The following PRKCA variants were observed in gnomAD, a reference collection of about 807,000 sequenced individuals.
The protein encoded by PRKCA is protein kinase C alpha type.
PRKCA carries 27 observed loss-of-function variants against 87.0 expected under a neutral mutation model. The observed-to-expected ratio is 0.31, with a 90% CI of 0.23 to 0.43. PRKCA has a LOEUF of 0.43. Ranked by LOEUF, PRKCA falls within the 20% of genes least tolerant of loss-of-function variation. The pLI, the probability that PRKCA is intolerant of heterozygous loss-of-function variation, is 1.00. For missense variants in PRKCA, 518 were observed against 852.3 expected, an observed-to-expected ratio of 0.61 and a Z score of 4.88; for synonymous variants, 329 against 311.1, an observed-to-expected ratio of 1.06 and a Z score of -0.61.
chr17:66,748,249 G>A (rs945459235), intron 13 of PRKCA, among the ~76,000 whole-genome samples: 4 of 152,180 alleles, frequency 2.6e-5, no homozygotes, highest in African/African-American at 9.7e-5. Context: ...AGGAATGCCA[G>A]CCCACTGATG....
intron 2 of PRKCA, among the ~76,000 whole-genome samples, chr17:66,474,781 G>A (rs1318217816): frequency 6.6e-6 from 1 of 152,146 alleles, no homozygotes; most frequent in Non-Finnish European, 1.5e-5. Flanking sequence ...TAGGATTCAG[G>A]ATGGATGTAG....
chr17:66,563,115 A>G (rs915378834), intron 3 of PRKCA, among the ~76,000 whole-genome samples: 3 of 152,100 alleles, frequency 2.0e-5, no homozygotes, highest in African/African-American at 2.4e-5. Flanking sequence ...CCCTCTCCTC[A>G]ACAGTCTCCC....
At chr17:66,451,453 A>G (rs779192541) in intron 2 of PRKCA, among the ~76,000 whole-genome samples, 1 of 152,014 alleles carries the variant, frequency 6.6e-6, no homozygotes, top group Non-Finnish European at 1.5e-5. Context: ...TGTTTTTGGT[A>G]ACATGCAGGC....
At chr17:66,675,272 T>C (rs371132369) in intron 5 of PRKCA, among the ~76,000 whole-genome samples, 13 of 152,204 alleles carry the variant, frequency 8.5e-5, no homozygotes, top group Non-Finnish European at 1.8e-4. Context: ...GCTTCTCTTA[T>C]AAGGGCACTG....
intron 2 of PRKCA, among the ~76,000 whole-genome samples, chr17:66,326,091 A>G (rs1598592317): frequency 6.6e-6 from 1 of 152,298 alleles, no homozygotes; most frequent in East Asian, 1.9e-4. Context: ...CACTTTATGT[A>G]GATATCTTTT....
At chr17:66,710,026 G>A (rs1453854086) in intron 8 of PRKCA, among the ~76,000 whole-genome samples, 3 of 152,134 alleles carry the variant, frequency 2.0e-5, no homozygotes, top group African/African-American at 4.8e-5. Context: ...TGAACTGGCC[G>A]ATAGCAAAAC....
intron 3 of PRKCA, among the ~76,000 whole-genome samples, chr17:66,538,122 G>T: frequency 6.6e-6 from 1 of 152,112 alleles, no homozygotes; most frequent in Non-Finnish European, 1.5e-5. Context: ...TTTTCTTGAT[G>T]TTACTGAAGA....
intron 2 of PRKCA, among the ~76,000 whole-genome samples, chr17:66,429,420 A>G (rs1912986476): frequency 6.6e-6 from 1 of 152,174 alleles, no homozygotes; most frequent in South Asian, 2.1e-4. Flanking sequence ...ATTTTTAGAA[A>G]CAGAACCTCA....
intron 2 of PRKCA, among the ~76,000 whole-genome samples, chr17:66,487,633 AC>A (rs1916042988): frequency 6.6e-6 from 1 of 152,076 alleles, no homozygotes; most frequent in Non-Finnish European, 1.5e-5. Flanking sequence ...TTACATTCCC[AC>A]CAGCAGCATC....
At chr17:66,366,874 A>G (rs1244029759) in intron 2 of PRKCA, among the ~76,000 whole-genome samples, 1 of 152,234 alleles carries the variant, frequency 6.6e-6, no homozygotes, top group Non-Finnish European at 1.5e-5. Flanking sequence ...TAAAAAAAGC[A>G]CTTCATAGTG....
intron 2 of PRKCA, among the ~76,000 whole-genome samples, chr17:66,339,366 G>C (rs1374052588): frequency 6.6e-6 from 1 of 152,106 alleles, no homozygotes; most frequent in Non-Finnish European, 1.5e-5. Flanking sequence ...ACGGGGAAAT[G>C]AACTCTTCAC....
intron 2 of PRKCA, among the ~76,000 whole-genome samples, chr17:66,397,552 T>G (rs1244024998): frequency 6.6e-6 from 1 of 152,166 alleles, no homozygotes; most frequent in Non-Finnish European, 1.5e-5. Context: ...GCCTTTGACT[T>G]AAGGGCAAAT....
At chr17:66,771,128 G>A (rs909547444) in intron 13 of PRKCA, among the ~76,000 whole-genome samples, 17 of 150,868 alleles carry the variant, frequency 1.1e-4, no homozygotes, top group Admixed American at 5.3e-4. Context: ...TCAGCCTCCC[G>A]AGTAGCTGGG....
chr17:66,587,334 G>T (rs777033549), intron 3 of PRKCA, among the ~76,000 whole-genome samples: 1 of 152,082 alleles, frequency 6.6e-6, no homozygotes, highest in Non-Finnish European at 1.5e-5. Flanking sequence ...AATCTGTCTA[G>T]CTTATAATCT....
At chr17:66,550,622 C>T (rs922887851) in intron 3 of PRKCA, among the ~76,000 whole-genome samples, 1 of 145,786 alleles carries the variant, frequency 6.9e-6, no homozygotes, top group African/African-American at 2.6e-5. Flanking sequence ...GCACTCCAGC[C>T]TGGGTGACAG....
At chr17:66,438,871 A>G (rs1432630173) in intron 2 of PRKCA, among the ~76,000 whole-genome samples, 2 of 152,160 alleles carry the variant, frequency 1.3e-5, no homozygotes, top group Admixed American at 6.5e-5. Flanking sequence ...CCATGATTCA[A>G]TTATCTCTGC....
intron 3 of PRKCA, among the ~76,000 whole-genome samples, chr17:66,631,100 A>G (rs974216878): frequency 6.6e-6 from 1 of 152,138 alleles, no homozygotes; most frequent in Non-Finnish European, 1.5e-5. Context: ...CATATGTCCT[A>G]GATAGTGACT....
intron 2 of PRKCA, among the ~76,000 whole-genome samples, chr17:66,472,347 G>A (rs544136112): frequency 9.9e-5 from 15 of 152,220 alleles, no homozygotes; most frequent in Admixed American, 3.9e-4. Context: ...AGCTGCTATC[G>A]CTAGGAAAAG....
intron 2 of PRKCA, among the ~76,000 whole-genome samples, chr17:66,377,988 C>T (rs1276582174): frequency 6.6e-6 from 1 of 151,934 alleles, no homozygotes; most frequent in Non-Finnish European, 1.5e-5. Flanking sequence ...AGTTAAGAAC[C>T]ATTGATGGGC....
Sources: gnomAD v4.1 joint callset for allele counts (sites outside exome capture counted in the v4.1 genomes callset) on GRCh38, gnomAD v4.1.1 for gene constraint, MANE v1.5 for transcripts, NCBI Gene and HGNC (gene_info 2026-07-23, HGNC 2026-07-21) for gene names.